Variants in SLC44A5 observed in about 807,000 individuals in gnomAD.
SLC44A5 encodes the protein choline transporter-like protein 5.
SLC44A5 carries 57 observed loss-of-function variants against 101.8 expected under a neutral mutation model. The ratio of observed to expected loss-of-function variants is 0.56; its 90% CI spans 0.45 to 0.70. The LOEUF is 0.70. Among genes scored for constraint, SLC44A5 ranks in the 30% least tolerant of loss-of-function variants. The pLI, the probability that SLC44A5 is intolerant of heterozygous loss-of-function variation, is 0.00. For synonymous variants in SLC44A5, 281 were observed against 290.9 expected, an observed-to-expected ratio of 0.97 and a Z score of 0.35; for missense variants, 737 against 853.1, an observed-to-expected ratio of 0.86 and a Z score of 1.70.
In SLC44A5 at chr1:75,580,791, T is replaced by A. The variant is rs549800829; in HGVS notation, c.-70+30249A>T. 2.8e-3 allele frequency among the ~76,000 whole-genome samples: 404 copies of A among 143,314 alleles called. 3 individuals are homozygous for A. Among genetic ancestry groups the A allele is most frequent in the African/African-American group, 0.01 (388 of 38,326 alleles). 94.0% of individuals were successfully genotyped at this position (143,314 alleles called of 152,430 possible). A position where few individuals can be genotyped will look rare whatever the true frequency, so the allele number is the denominator to read the frequency against. On this transcript the variant is annotated intron_variant, in intron 1 of 23. Coordinates refer to ENST00000370859, the MANE Select transcript of SLC44A5 (RefSeq NM_001130058.2). The stretch of plus-strand genomic sequence containing the variant: ...AGGCAGAGGTCGCAGTGAGCTGAGA[T>A]CAAGCCACTGCACTCCAGCCTGAGC...
intron 3 of SLC44A5, among the ~76,000 whole-genome samples, chr1:75,395,621 G>T (rs967266450): frequency 1.3e-5 from 2 of 152,100 alleles, no homozygotes; most frequent in East Asian, 3.8e-4. Flanking sequence ...AAAGAGGCAG[G>T]AAAGTACATG....
chr1:75,254,929 GT>G (rs1203952274), intron 6 of SLC44A5, among the ~76,000 whole-genome samples: 2 of 152,106 alleles, frequency 1.3e-5, no homozygotes, highest in African/African-American at 4.8e-5. Context: ...ATCTCATAAT[GT>G]TTTAAGAAAG....
chr1:75,676,388 T>C, the SLC44A5 span, among the ~76,000 whole-genome samples: 1 of 152,088 alleles, frequency 6.6e-6, no homozygotes, highest in African/African-American at 2.4e-5. Context: ...AGGAACAAGA[T>C]CATGTCCTTT....
At chr1:75,345,883 A>G (rs1332291098) in intron 3 of SLC44A5, among the ~76,000 whole-genome samples, 1 of 152,198 alleles carries the variant, frequency 6.6e-6, no homozygotes, top group East Asian at 1.9e-4. Context: ...AGGCAGATGA[A>G]TCAATGAGGA....
At chr1:75,350,529 A>G (rs1001531692) in intron 3 of SLC44A5, among the ~76,000 whole-genome samples, 1 of 150,796 alleles carries the variant, frequency 6.6e-6, no homozygotes, top group East Asian at 1.9e-4. Context: ...GTAAAAGATA[A>G]AAGTGTCACA....
intron 1 of SLC44A5, among the ~76,000 whole-genome samples, chr1:75,596,407 C>T (rs1420934172): frequency 6.6e-6 from 1 of 152,100 alleles, no homozygotes; most frequent in East Asian, 1.9e-4. Context: ...TGAAACTATT[C>T]CACAAAATTG....
intron 6 of SLC44A5, among the ~76,000 whole-genome samples, chr1:75,271,395 G>A (rs1172550819): frequency 6.6e-6 from 1 of 151,792 alleles, no homozygotes; most frequent in East Asian, 1.9e-4. Flanking sequence ...CCCATCTCTT[G>A]AGCAGTATAT....
At chr1:75,384,230 C>T (rs568843415) in intron 3 of SLC44A5, among the ~76,000 whole-genome samples, 2 of 152,244 alleles carry the variant, frequency 1.3e-5, no homozygotes, top group East Asian at 3.9e-4. Context: ...TGTAAATGGA[C>T]TAAATGCTCC....
chr1:75,555,073 T>C (rs981409329), intron 1 of SLC44A5, among the ~76,000 whole-genome samples: 3 of 152,172 alleles, frequency 2.0e-5, no homozygotes, highest in Middle Eastern at 3.4e-3. Flanking sequence ...ACAATTACAT[T>C]AAATGTAAAT....
intron 6 of SLC44A5, among the ~76,000 whole-genome samples, chr1:75,254,466 C>T (rs1163494482): frequency 2.0e-5 from 3 of 152,068 alleles, no homozygotes; most frequent in African/African-American, 7.3e-5. Flanking sequence ...AAAATAGAAA[C>T]AATAGCAAAC....
the SLC44A5 span, among the ~76,000 whole-genome samples, chr1:75,661,635 T>C: frequency 6.6e-6 from 1 of 151,716 alleles, no homozygotes. Flanking sequence ...TAAAAGACTA[T>C]ATAAGGAACT....
At chr1:75,301,078 CTCT>C (rs1314444383) in intron 4 of SLC44A5, among the ~76,000 whole-genome samples, 4 of 152,184 alleles carry the variant, frequency 2.6e-5, no homozygotes, top group Admixed American at 1.3e-4. Context: ...ATTTCCCACC[CTCT>C]TCTTCTTCAT....
chr1:75,265,904 G>A (rs940338234), intron 6 of SLC44A5, among the ~76,000 whole-genome samples: 3 of 152,056 alleles, frequency 2.0e-5, no homozygotes, highest in East Asian at 1.9e-4. Flanking sequence ...AATCAATCAC[G>A]TTCTCTTTTT....
intron 23 of SLC44A5, among the ~76,000 whole-genome samples, chr1:75,207,754 G>A (rs1368359883): frequency 2.0e-5 from 3 of 152,036 alleles, no homozygotes; most frequent in Non-Finnish European, 2.9e-5. Context: ...TGTGGTTTTA[G>A]TTACCCAAGG....
intron 3 of SLC44A5, among the ~76,000 whole-genome samples, chr1:75,383,586 T>C (rs1311776757): frequency 6.6e-6 from 1 of 152,162 alleles, no homozygotes; most frequent in Non-Finnish European, 1.5e-5. Context: ...CTGATTGGTG[T>C]ACCTGAAAGT....
chr1:75,209,170 T>C (rs1195986549), intron 23 of SLC44A5, among the ~76,000 whole-genome samples: 1 of 151,850 alleles, frequency 6.6e-6, no homozygotes, highest in African/African-American at 2.4e-5. Flanking sequence ...TTTCAAGGAG[T>C]TGGCAATTAA....
intron 2 of SLC44A5, among the ~76,000 whole-genome samples, chr1:75,527,544 G>C (rs1670489256): frequency 6.6e-6 from 1 of 152,166 alleles, no homozygotes; most frequent in South Asian, 2.1e-4. Flanking sequence ...CTTGGACAAT[G>C]ACAGCATTAA....
intron 1 of SLC44A5, among the ~76,000 whole-genome samples, chr1:75,602,492 C>T (rs1341984238): frequency 6.6e-6 from 1 of 152,076 alleles, no homozygotes; most frequent in Non-Finnish European, 1.5e-5. Context: ...TAATTTCAAG[C>T]CTATCATACC....
chr1:75,294,547 T>G lies in SLC44A5; in HGVS notation c.175+6065A>C, dbSNP rs182652526. 2.1e-3 allele frequency among the ~76,000 whole-genome samples: 320 copies of G among 152,296 alleles called. 2 individuals carry two copies. The highest frequency in any genetic ancestry group is 3.0e-3 in the Non-Finnish European group (206 of 67,992). ...CTGTACTCCCATGTTCATTGCAGCA[T>G]TATTCACAATAGCCAAGATTTGGAA... On this transcript the variant is annotated intron_variant, in intron 5 of 23. Transcript: ENST00000370859.
Sources: allele counts gnomAD v4.1 joint callset (sites outside exome capture counted in the v4.1 genomes callset), GRCh38; gene constraint gnomAD v4.1.1; transcripts MANE v1.5; gene names NCBI Gene and HGNC (gene_info 2026-07-23, HGNC 2026-07-21).